The following HEATR4 variants were observed in gnomAD, a reference collection of about 807,000 sequenced individuals.
The protein encoded by HEATR4 is HEAT repeat containing 4.
HEATR4 carries 95 observed loss-of-function variants against 108.8 expected under a neutral mutation model. The ratio of observed to expected loss-of-function variants is 0.87; its 90% CI spans 0.74 to 1.04. The LOEUF (loss-of-function observed/expected upper bound fraction) is 1.04. Ranked by LOEUF, HEATR4 falls within the 50% of genes least tolerant of loss-of-function variation. The pLI is 0.00. For synonymous variants in HEATR4, 443 were observed against 459.4 expected, an observed-to-expected ratio of 0.96 and a Z score of 0.46; for missense variants, 1,152 against 1,253.8, an observed-to-expected ratio of 0.92 and a Z score of 1.23.
Position 73,492,338 on chromosome 14 carries a change from C to T in HEATR4, c.2844+728G>A, listed in dbSNP as rs1180446124. 6.2e-7 allele frequency: 1 copy of T among 1,613,970 alleles called. No individual in the cohort carries two copies. The highest frequency in any genetic ancestry group is 1.7e-5 in the Admixed American group (1 of 60,018). On this transcript the variant is annotated intron_variant, in intron 17 of 17. Coordinates refer to ENST00000553558, the MANE Select transcript of HEATR4 (RefSeq NM_001220484.1). This position sits in a 1 kb window ranked among gnomAD's most constrained non-coding sequence, Gnocchi z 4.9. Reference sequence around the variant, plus strand: ...AGAGGCCATACTGCCTCTGGCAGTGCAGGCTGCAATGGAAGAAAATGTGGA... The same window carrying T: ...AGAGGCCATACTGCCTCTGGCAGTGTAGGCTGCAATGGAAGAAAATGTGGA...
chr14:73,619,826 A>G, the HEATR4 span: 3 of 1,599,894 alleles, frequency 1.9e-6, no homozygotes, highest in Non-Finnish European at 2.6e-6. Context: ...TCTGTCAAGC[A>G]CAGCAAAATA....
At position 73,522,757 on chromosome 14, in the gene HEATR4, G is replaced by C; in HGVS notation, c.396C>G (p.Thr132=). The C allele has an allele frequency of 6.2e-7, 1 of 1,614,220 alleles. No individual in the cohort carries two copies. The highest frequency in any genetic ancestry group is 8.5e-7 in the Non-Finnish European group (1 of 1,180,038). Reference sequence around the variant, plus strand: ...AGCTTTCTGTCTTCACAGCCAGGGAGGTGTCTCCTGTTAAGGGACTTGAGG... The same window carrying C: ...AGCTTTCTGTCTTCACAGCCAGGGACGTGTCTCCTGTTAAGGGACTTGAGG... ...LGSSSPLTGD[T]SLAVKTESSA... The change falls in exon 3 of 18, where the codon ACC becomes ACG. Residue 132 remains threonine (T), a synonymous_variant. Transcript: ENST00000553558.
At chr14:73,570,990 T>TAAA in the HEATR4 span, among the ~76,000 whole-genome samples, 1 of 147,354 alleles carries the variant, frequency 6.8e-6, no homozygotes, top group South Asian at 2.1e-4. Flanking sequence ...TTTTTTTTTT[T>TAAA]AAATAAGAAT....
chr14:73,515,084 A>C (rs890754266), intron 5 of HEATR4, among the ~76,000 whole-genome samples: 6 of 151,978 alleles, frequency 3.9e-5, no homozygotes, highest in East Asian at 1.9e-4. Context: ...AAAAAAACAA[A>C]AAAAAAACTA....
rs1169001263 is a variant in HEATR4 at position 73,532,550 on chromosome 14, A to G, written c.-151-2306T>C. On this transcript the variant is annotated intron_variant, in intron 1 of 17. Coordinates refer to ENST00000553558, the MANE Select transcript of HEATR4 (RefSeq NM_001220484.1). Reference sequence around the variant, plus strand: ...GGTGGTCCATCTCTTGGTTCCAGGCAAGACTGCTGCTGCTGACCAACCTGA... The same window carrying G: ...GGTGGTCCATCTCTTGGTTCCAGGCGAGACTGCTGCTGCTGACCAACCTGA... Among the ~76,000 whole-genome samples, 6 of 111,986 alleles carry G rather than the reference A, an allele frequency of 5.4e-5. 3 individuals carry two copies. The highest frequency in any genetic ancestry group is 1.1e-4 in the Non-Finnish European group (6 of 52,982). The allele number at this position is 111,986 out of a possible 152,430, so 73.5% of individuals were successfully genotyped here.
the HEATR4 span, among the ~76,000 whole-genome samples, chr14:73,579,093 A>G: frequency 7.9e-6 from 1 of 126,448 alleles, no homozygotes; most frequent in East Asian, 2.0e-4. Context: ...AAAAAAAAGA[A>G]AAAAAAAAAA....
At chr14:73,621,197 G>C in the HEATR4 span, among the ~76,000 whole-genome samples, 1 of 150,238 alleles carries the variant, frequency 6.7e-6, no homozygotes, top group South Asian at 2.2e-4. Flanking sequence ...TGGGCAACAA[G>C]AGCAAAACTC....
At chr14:73,613,044 A>C in the HEATR4 span, 1 of 752,388 alleles carries the variant, frequency 1.3e-6, no homozygotes, top group African/African-American at 1.9e-5. Flanking sequence ...TAGTCTGCCC[A>C]GAATTTGGTC....
At chr14:73,577,301 A>G in the HEATR4 span, among the ~76,000 whole-genome samples, 48 of 136,904 alleles carry the variant, frequency 3.5e-4, 2 homozygotes, top group East Asian at 9.8e-3. Flanking sequence ...TACAGTAGAG[A>G]GATGATACCC....
At chr14:73,489,592 A>G (rs571969850) in intron 17 of HEATR4, among the ~76,000 whole-genome samples, 1 of 152,326 alleles carries the variant, frequency 6.6e-6, no homozygotes, top group African/African-American at 2.4e-5. Context: ...AATGATTCAA[A>G]TGAAGACAAG....
chr14:73,589,291 G>C, the HEATR4 span, among the ~76,000 whole-genome samples: 1 of 151,070 alleles, frequency 6.6e-6, no homozygotes, highest in African/African-American at 2.5e-5. Flanking sequence ...CAATACTTTT[G>C]CTTTCTCTCT....
At chr14:73,619,270 A>G in the HEATR4 span, 3 of 1,599,310 alleles carry the variant, frequency 1.9e-6, no homozygotes, top group Non-Finnish European at 2.6e-6. Context: ...TGGATTTTCC[A>G]AAGGAGGTGA....
At chr14:73,560,428 C>A (rs1206746094), upstream of HEATR4, among the ~76,000 whole-genome samples, 2 of 152,004 alleles carry the variant, frequency 1.3e-5, no homozygotes, top group Non-Finnish European at 2.9e-5. Context: ...CTTTGGGAGG[C>A]AAGTTGGGCG....
intron 11 of HEATR4, among the ~76,000 whole-genome samples, chr14:73,501,260 A>C (rs1886438428): frequency 6.6e-6 from 1 of 151,542 alleles, no homozygotes; most frequent in African/African-American, 2.4e-5. Context: ...TTGGGACTAT[A>C]GGCGCCCACC....
At chr14:73,574,890 C>G in the HEATR4 span, 1 of 1,613,144 alleles carries the variant, frequency 6.2e-7, no homozygotes, top group Non-Finnish European at 8.5e-7. Flanking sequence ...TCTTCTTTTT[C>G]CTTTGTCCCT....
chr14:73,569,879 G>T, the HEATR4 span: 37 of 1,603,344 alleles, frequency 2.3e-5, no homozygotes, highest in East Asian at 6.7e-5. Flanking sequence ...TCTTCCTGCC[G>T]CCAGGTGACT....
the HEATR4 span, among the ~76,000 whole-genome samples, chr14:73,565,107 TATG>T: frequency 5.9e-5 from 9 of 152,102 alleles, no homozygotes; most frequent in African/African-American, 2.2e-4. Context: ...ATTAAAATGA[TATG>T]ATAAGCATCC....
At chr14:73,619,946 CT>C in the HEATR4 span, 1 of 1,258,548 alleles carries the variant, frequency 7.9e-7, no homozygotes, top group South Asian at 1.6e-5. Context: ...CTGTATCACT[CT>C]GTCACATAGG....
At chr14:73,527,350 A>T (rs1302131630) in intron 2 of HEATR4, 1 of 152,112 alleles carries the variant, frequency 6.6e-6, no homozygotes, top group African/African-American at 2.4e-5. Context: ...GAGATATGTG[A>T]CCTTTCCAGA....
Sources: gnomAD v4.1 joint callset for allele counts (sites outside exome capture counted in the v4.1 genomes callset) on GRCh38, gnomAD v4.1.1 for gene constraint, Gnocchi (gnomAD v3.1) non-coding constraint, MANE v1.5 for transcripts, NCBI Gene and HGNC (gene_info 2026-07-23, HGNC 2026-07-21) for gene names.